The following RMST variants were observed in gnomAD, a reference collection of about 807,000 sequenced individuals.
The protein encoded by RMST is rhabdomyosarcoma 2 associated transcript.
At chr12:97,524,670 AC>A (rs1229634335) in intron 10 of RMST, among the ~76,000 whole-genome samples, 3 of 152,028 alleles carry the variant, frequency 2.0e-5, no homozygotes, top group Non-Finnish European at 4.4e-5. Context: ...TAGGATCACC[AC>A]CCCCTTGTAA....
intron 10 of RMST, among the ~76,000 whole-genome samples, chr12:97,504,465 T>C (rs1410268953): frequency 1.3e-5 from 2 of 150,876 alleles, no homozygotes; most frequent in Non-Finnish European, 3.0e-5. Flanking sequence ...AGGTTTAATC[T>C]AAATCTTAAA....
At chr12:97,474,363 C>A (rs1328169942) in intron 5 of RMST, among the ~76,000 whole-genome samples, 1 of 152,032 alleles carries the variant, frequency 6.6e-6, no homozygotes, top group Non-Finnish European at 1.5e-5. Flanking sequence ...TTCGTGCTCC[C>A]AAATAAGGAA....
intron 5 of RMST, among the ~76,000 whole-genome samples, chr12:97,467,489 ATAAT>A (rs1029958812): frequency 2.0e-5 from 3 of 152,132 alleles, no homozygotes; most frequent in Admixed American, 1.3e-4. Flanking sequence ...ATTATAGTAA[ATAAT>A]TAGTCAGAAT....
chr12:97,537,546 C>T (rs1176656860), intron 11 of RMST, among the ~76,000 whole-genome samples: 1 of 151,278 alleles, frequency 6.6e-6, no homozygotes, highest in Admixed American at 6.6e-5. Context: ...CATTTTTTTG[C>T]ATAAATGTGC....
chr12:97,550,734 C>CAT (rs1310260625), intron 11 of RMST, among the ~76,000 whole-genome samples: 2 of 152,132 alleles, frequency 1.3e-5, no homozygotes, highest in Non-Finnish European at 2.9e-5. Flanking sequence ...GCATCTAGAA[C>CAT]ATAGCATCAT....
At chr12:97,487,723 C>T (rs1876270417) in intron 5 of RMST, among the ~76,000 whole-genome samples, 1 of 152,154 alleles carries the variant, frequency 6.6e-6, no homozygotes, top group African/African-American at 2.4e-5. Context: ...TGCATGAGTC[C>T]ATTCCCTTGG....
intron 11 of RMST, among the ~76,000 whole-genome samples, chr12:97,543,935 A>G (rs554209196): frequency 1.3e-5 from 2 of 152,176 alleles, no homozygotes; most frequent in East Asian, 3.9e-4. Context: ...ATTCTTAAAT[A>G]TGCAATTCAG....
chr12:97,542,204 G>A (rs1882594273), intron 11 of RMST, among the ~76,000 whole-genome samples: 1 of 151,804 alleles, frequency 6.6e-6, no homozygotes, highest in African/African-American at 2.4e-5. Context: ...CTATAAAATT[G>A]AGTTGATCAT....
intron 11 of RMST, among the ~76,000 whole-genome samples, chr12:97,550,278 G>A (rs1270221563): frequency 6.6e-6 from 1 of 152,156 alleles, no homozygotes; most frequent in Non-Finnish European, 1.5e-5. Context: ...TGTAGTCCCA[G>A]CTACTTGGGA....
At chr12:97,549,752 T>C (rs1260915230) in intron 11 of RMST, among the ~76,000 whole-genome samples, 1 of 152,190 alleles carries the variant, frequency 6.6e-6, no homozygotes, top group African/African-American at 2.4e-5. Flanking sequence ...GTCTTTACTA[T>C]CTGTCAGCAG....
At chr12:97,475,755 T>A (rs903345016) in intron 5 of RMST, among the ~76,000 whole-genome samples, 1 of 152,232 alleles carries the variant, frequency 6.6e-6, no homozygotes, top group Admixed American at 6.5e-5. Flanking sequence ...GTCCTCTTGT[T>A]GATTATCTTA....
At chr12:97,561,338 T>A (rs935566708) in intron 13 of RMST, among the ~76,000 whole-genome samples, 3 of 152,232 alleles carry the variant, frequency 2.0e-5, no homozygotes, top group African/African-American at 7.2e-5. Context: ...CAGTAGTTTA[T>A]GTCTCTGTGT....
intron 11 of RMST, among the ~76,000 whole-genome samples, chr12:97,560,254 C>T (rs1477571285): frequency 6.6e-6 from 1 of 152,126 alleles, no homozygotes; most frequent in Non-Finnish European, 1.5e-5. Flanking sequence ...AAGGACTTTC[C>T]TTGTTCATTC....
intron 5 of RMST, among the ~76,000 whole-genome samples, chr12:97,469,825 A>G (rs916245070): frequency 6.6e-6 from 1 of 152,102 alleles, no homozygotes; most frequent in African/African-American, 2.4e-5. Flanking sequence ...GGTACCTCAC[A>G]ACTACCTTGA....
rs1297490256 is a variant in RMST at position 97,497,943 on chromosome 12, C to T, written n.1340+1887C>T. Among the ~76,000 whole-genome samples the T allele has an allele frequency of 2.0e-5, 3 of 152,070 alleles. No individual in the cohort carries two copies. In the East Asian group the frequency reaches 5.8e-4, roughly 29 times the overall value. On this transcript the variant is annotated intron_variant and non_coding_transcript_variant, in intron 10 of 13. Transcript: ENST00000640149. ...ACGTAAAGTTAATAGACCCCTTGAA[C>T]AGATTCATCTTGAAATATGAAGATC...
chr12:97,493,540 G>T (rs538764265), intron 7 of RMST, among the ~76,000 whole-genome samples: 3 of 151,922 alleles, frequency 2.0e-5, no homozygotes, highest in Non-Finnish European at 2.9e-5. Context: ...TGGACTCCTT[G>T]ACTGACATTT....
intron 5 of RMST, among the ~76,000 whole-genome samples, chr12:97,481,168 C>A (rs769653898): frequency 7.9e-5 from 12 of 151,526 alleles, no homozygotes; most frequent in African/African-American, 1.2e-4. Flanking sequence ...AATTTTTTTT[C>A]TTTCATTTCT....
intron 5 of RMST, among the ~76,000 whole-genome samples, chr12:97,488,616 A>T (rs1212584311): frequency 6.6e-6 from 1 of 152,156 alleles, no homozygotes; most frequent in African/African-American, 2.4e-5. Context: ...ACTGGAAAAA[A>T]GGCAGTTCGG....
intron 10 of RMST, among the ~76,000 whole-genome samples, chr12:97,512,995 C>T (rs971522537): frequency 6.6e-6 from 1 of 152,222 alleles, no homozygotes; most frequent in Non-Finnish European, 1.5e-5. Context: ...GGTGCTAAGC[C>T]CCTCACTGCC....
Sources: allele counts gnomAD v4.1 joint callset (sites outside exome capture counted in the v4.1 genomes callset), GRCh38; gene constraint gnomAD v4.1.1; transcripts MANE v1.5; gene names NCBI Gene and HGNC (gene_info 2026-07-23, HGNC 2026-07-21).